The following BTBD9 variants were observed in gnomAD, a reference collection of about 807,000 sequenced individuals.
BTBD9 encodes BTB domain containing 9, also known as BTB/POZ domain-containing protein 9.
Under a neutral mutation model 64.3 loss-of-function variants are expected in BTBD9, and 49 were observed. The observed-to-expected ratio is 0.76, with a 90% confidence interval of 0.61 to 0.97. The LOEUF (loss-of-function observed/expected upper bound fraction) is 0.97, where lower values mean the gene tolerates loss of function less well. BTBD9 is among the 50% of genes least tolerant of loss of function. The probability of loss-of-function intolerance (pLI) is 0.00; values close to 1 mark genes in which losing one functional copy is unlikely to be tolerated. For synonymous variants in BTBD9, 260 were observed against 274.7 expected, an observed-to-expected ratio of 0.95 and a Z score of 0.53; for missense variants, 598 against 762.1, an observed-to-expected ratio of 0.78 and a Z score of 2.53.
At chr6:38,254,171 G>T (rs1018516750) in intron 9 of BTBD9, among the ~76,000 whole-genome samples, 41 of 151,718 alleles carry the variant, frequency 2.7e-4, no homozygotes, top group African/African-American at 8.5e-4. Flanking sequence ...CAACAAGAAA[G>T]AAGCTGCCTC....
chr6:38,388,714 A>G (rs1015082514), intron 6 of BTBD9, among the ~76,000 whole-genome samples: 4 of 152,186 alleles, frequency 2.6e-5, no homozygotes, highest in Non-Finnish European at 5.9e-5. Context: ...AGTTTTTTGT[A>G]TATGTATAAA....
At chr6:38,426,076 GA>G (rs1176543037) in intron 6 of BTBD9, among the ~76,000 whole-genome samples, 3 of 151,872 alleles carry the variant, frequency 2.0e-5, no homozygotes, top group Non-Finnish European at 1.5e-5. Flanking sequence ...AGGTGGAGAG[GA>G]GGGGCTGTCC....
Position 38,597,918 on chromosome 6 carries a change from T to C in BTBD9, c.177A>G (p.Gln59=), listed in dbSNP as rs774224274. The change falls in exon 2 of 11, where the codon CAA becomes CAG. Residue 59 remains glutamine, a synonymous_variant. Coordinates refer to ENST00000481247, the MANE Select transcript of BTBD9 (RefSeq NM_001099272.2). The stretch of plus-strand genomic sequence containing the variant: ...AAGTATTACACACTTACCGAAAATA[T>C]TGGCACCTGGCTGCTAAAATTACCC... ...AHRVILAARC[Q]YFRALLYGGM... is the part of the protein sequence containing the mutation. 7 of 1,613,560 alleles carry C rather than the reference T, an allele frequency of 4.3e-6. No individual in the cohort carries two copies. The highest frequency in any genetic ancestry group is 2.7e-5 in the African/African-American group (2 of 74,894).
chr6:38,403,245 C>G (rs1440798016), intron 6 of BTBD9, among the ~76,000 whole-genome samples: 1 of 151,996 alleles, frequency 6.6e-6, no homozygotes, highest in Admixed American at 6.6e-5. Flanking sequence ...ATCAAGAAAG[C>G]AAAAAGACAA....
chr6:38,544,636 G>A (rs919057479), intron 6 of BTBD9, among the ~76,000 whole-genome samples: 1 of 152,040 alleles, frequency 6.6e-6, no homozygotes, highest in Non-Finnish European at 1.5e-5. Flanking sequence ...GAAGAGTGAT[G>A]AGGGTGTGGG....
intron 7 of BTBD9, among the ~76,000 whole-genome samples, chr6:38,293,634 A>G (rs181364295): frequency 4.6e-4 from 70 of 152,238 alleles, no homozygotes; most frequent in African/African-American, 1.6e-3. Context: ...ACTGAAACTG[A>G]ACCCCTTCCT....
At chr6:38,238,076 A>G (rs7356829) in intron 9 of BTBD9, among the ~76,000 whole-genome samples, 15,612 of 152,292 alleles carry the variant, frequency 0.1, 1,201 homozygotes, top group East Asian at 0.45. Flanking sequence ...GGCTAGGTTT[A>G]GAAGCCTAGG....
At chr6:38,285,215 AAAC>A (rs1169363258) in intron 8 of BTBD9, among the ~76,000 whole-genome samples, 1 of 152,170 alleles carries the variant, frequency 6.6e-6, no homozygotes, top group Non-Finnish European at 1.5e-5. Flanking sequence ...TAGAAAAGTG[AAAC>A]AACTATTGTG....
chr6:38,325,423 T>C (rs9380734), intron 7 of BTBD9, among the ~76,000 whole-genome samples: 17,536 of 152,194 alleles, frequency 0.12, 2,011 homozygotes, highest in East Asian at 0.4. Flanking sequence ...CGGTGGCTCA[T>C]GCCTGTAATC....
At chr6:38,309,374 T>TAAAC (rs942166170) in intron 7 of BTBD9, among the ~76,000 whole-genome samples, 23 of 150,496 alleles carry the variant, frequency 1.5e-4, no homozygotes, top group Middle Eastern at 3.4e-3. Context: ...ATCTCCCAAA[T>TAAAC]AAACAAACAA....
At chr6:38,606,547 C>A (rs1220729974) in intron 1 of BTBD9, among the ~76,000 whole-genome samples, 1 of 152,010 alleles carries the variant, frequency 6.6e-6, no homozygotes, top group Non-Finnish European at 1.5e-5. Context: ...TAACAATGAA[C>A]CTCCACACAA....
chr6:38,581,687 T>G (rs1207936676), intron 4 of BTBD9, among the ~76,000 whole-genome samples: 1 of 152,180 alleles, frequency 6.6e-6, no homozygotes, highest in African/African-American at 2.4e-5. Flanking sequence ...AAACAGTGGC[T>G]CCACATTTAG....
chr6:38,326,347 C>A (rs1395768697), intron 7 of BTBD9, among the ~76,000 whole-genome samples: 2 of 152,174 alleles, frequency 1.3e-5, no homozygotes, highest in Non-Finnish European at 2.9e-5. Flanking sequence ...TCATACCATG[C>A]AGGGCCTTGA....
intron 8 of BTBD9, among the ~76,000 whole-genome samples, chr6:38,267,677 C>A (rs942466180): frequency 6.6e-6 from 1 of 152,226 alleles, no homozygotes; most frequent in Non-Finnish European, 1.5e-5. Context: ...CGGTGGCTCA[C>A]GCCTGTAATC....
At chr6:38,618,080 T>C (rs190723723) in intron 1 of BTBD9, among the ~76,000 whole-genome samples, 36 of 152,320 alleles carry the variant, frequency 2.4e-4, no homozygotes, top group African/African-American at 8.2e-4. Context: ...CCAGGGACCA[T>C]TGTGGGTTCT....
chr6:38,330,671 T>A (rs1160439741), intron 7 of BTBD9, among the ~76,000 whole-genome samples: 1 of 152,024 alleles, frequency 6.6e-6, no homozygotes, highest in African/African-American at 2.4e-5. Context: ...TGAGTGTAGA[T>A]TTGCAGCACT....
intron 6 of BTBD9, among the ~76,000 whole-genome samples, chr6:38,481,174 A>G (rs1359752287): frequency 6.6e-6 from 1 of 152,216 alleles, no homozygotes; most frequent in East Asian, 1.9e-4. Flanking sequence ...AGAGAGAAGA[A>G]TGGCATATAA....
intron 9 of BTBD9, among the ~76,000 whole-genome samples, chr6:38,214,375 C>T (rs554247611): frequency 3.9e-4 from 59 of 152,376 alleles, no homozygotes; most frequent in African/African-American, 1.4e-3. Flanking sequence ...CCCGCTGGCT[C>T]CCTGTGAGTT....
intron 6 of BTBD9, among the ~76,000 whole-genome samples, chr6:38,513,489 T>TA (rs963061088): frequency 6.0e-5 from 9 of 151,158 alleles, no homozygotes; most frequent in African/African-American, 1.9e-4. Flanking sequence ...CCACCTTGGT[T>TA]AAAAAAAATC....
Sources: gnomAD v4.1 joint callset for allele counts (sites outside exome capture counted in the v4.1 genomes callset) on GRCh38, gnomAD v4.1.1 for gene constraint, MANE v1.5 for transcripts, NCBI Gene and HGNC (gene_info 2026-07-23, HGNC 2026-07-21) for gene names.